The following RORA variants were observed in gnomAD, a reference collection of about 807,000 sequenced individuals.
RORA encodes the protein nuclear receptor ROR-alpha.
In RORA, 7 loss-of-function variants were observed where a neutral mutation model predicts 69.5. That is an observed-to-expected ratio of 0.10 (90% CI 0.06 to 0.19). The LOEUF (loss-of-function observed/expected upper bound fraction) is 0.19. Ranked by LOEUF, RORA falls within the 10% of genes least tolerant of loss-of-function variation. The probability of loss-of-function intolerance (pLI) is 1.00; values close to 1 mark genes in which losing one functional copy is unlikely to be tolerated. For missense variants in RORA, 457 were observed against 663.0 expected, an observed-to-expected ratio of 0.69 and a Z score of 3.41; for synonymous variants, 261 against 240.8, an observed-to-expected ratio of 1.08 and a Z score of -0.78.
At chr15:60,916,256 C>T (rs1282176729) in intron 1 of RORA, among the ~76,000 whole-genome samples, 1 of 152,148 alleles carries the variant, frequency 6.6e-6, no homozygotes, top group Non-Finnish European at 1.5e-5. Flanking sequence ...TTGTGTAATC[C>T]TCCCTGCCTT....
intron 1 of RORA, among the ~76,000 whole-genome samples, chr15:60,954,333 C>G (rs1893202696): frequency 6.8e-6 from 1 of 147,752 alleles, no homozygotes; most frequent in Non-Finnish European, 1.5e-5. Context: ...GGGAGATATA[C>G]CTAATGCTAG....
At chr15:61,070,514 G>C (rs1337595738) in intron 1 of RORA, among the ~76,000 whole-genome samples, 2 of 152,198 alleles carry the variant, frequency 1.3e-5, no homozygotes, top group Non-Finnish European at 2.9e-5. Context: ...AGAAGTTGTA[G>C]GCATCTGATC....
At chr15:61,055,489 C>T (rs1297420281) in intron 1 of RORA, among the ~76,000 whole-genome samples, 7 of 152,142 alleles carry the variant, frequency 4.6e-5, no homozygotes, top group African/African-American at 1.2e-4. Context: ...ACTTCTCTAC[C>T]GTCTCTCCCG....
intron 1 of RORA, among the ~76,000 whole-genome samples, chr15:61,224,539 A>G (rs1230588742): frequency 6.6e-6 from 1 of 152,158 alleles, no homozygotes; most frequent in Non-Finnish European, 1.5e-5. Flanking sequence ...ATGAACCTCT[A>G]ATAACCTCCA....
intron 2 of RORA, among the ~76,000 whole-genome samples, chr15:60,570,790 G>C (rs186457617): frequency 5.3e-5 from 8 of 152,298 alleles, no homozygotes; most frequent in Admixed American, 2.0e-4. Flanking sequence ...ACTAGACTGA[G>C]AGTCAAGAGA....
intron 1 of RORA, among the ~76,000 whole-genome samples, chr15:61,030,659 C>T (rs1271268963): frequency 6.6e-6 from 1 of 151,990 alleles, no homozygotes; most frequent in Non-Finnish European, 1.5e-5. Context: ...ATATTTGGGG[C>T]CCATAACAGG....
chr15:61,111,462 T>G (rs941931712), intron 1 of RORA, among the ~76,000 whole-genome samples: 7 of 152,202 alleles, frequency 4.6e-5, no homozygotes, highest in Non-Finnish European at 1.0e-4. Context: ...AAAATAAACT[T>G]TTACTTTTGT....
At position 60,858,973 on chromosome 15, in the gene RORA, G is replaced by C. The variant is rs61669111; in HGVS notation, c.167-180287C>G. On this transcript the variant is annotated intron_variant, in intron 1 of 10. Transcript: ENST00000335670. Reference sequence around the variant, plus strand: ...ACAGGAATGTTCTGTGCTTTCATAGGCTTCATCTTTTTTTTTTTTTTTCCT... The same window carrying C: ...ACAGGAATGTTCTGTGCTTTCATAGCCTTCATCTTTTTTTTTTTTTTTCCT... Among the ~76,000 whole-genome samples, 335 of 144,340 alleles carry C rather than the reference G, an allele frequency of 2.3e-3. 2 individuals are homozygous for C. The highest frequency in any genetic ancestry group is 8.4e-3 in the African/African-American group (323 of 38,620). 94.7% of individuals were successfully genotyped at this position (144,340 alleles called of 152,430 possible). A position where few individuals can be genotyped will look rare whatever the true frequency, so the allele number is the denominator to read the frequency against.
chr15:60,607,712 G>T (rs867828804), intron 2 of RORA, among the ~76,000 whole-genome samples: 2 of 152,196 alleles, frequency 1.3e-5, no homozygotes, highest in Non-Finnish European at 2.9e-5. Flanking sequence ...ATTTACTGGA[G>T]TGATGAGTGT....
At chr15:60,559,097 A>C (rs910918519) in intron 2 of RORA, among the ~76,000 whole-genome samples, 3 of 152,168 alleles carry the variant, frequency 2.0e-5, no homozygotes, top group Non-Finnish European at 4.4e-5. Flanking sequence ...CAAATAAAGA[A>C]CATTTAATAT....
intron 1 of RORA, among the ~76,000 whole-genome samples, chr15:60,680,198 T>C (rs2070622814): frequency 6.6e-6 from 1 of 152,204 alleles, no homozygotes; most frequent in African/African-American, 2.4e-5. Flanking sequence ...TTATGAGAGA[T>C]ATATGTGTAT....
intron 2 of RORA, among the ~76,000 whole-genome samples, chr15:60,641,217 G>A (rs139261944): frequency 0.011 from 1,663 of 152,260 alleles, 30 homozygotes; most frequent in African/African-American, 0.038. Flanking sequence ...CTCCCAAAGT[G>A]CTGGGATTAC....
intron 1 of RORA, among the ~76,000 whole-genome samples, chr15:60,966,237 T>C (rs1378172030): frequency 2.0e-5 from 3 of 152,222 alleles, no homozygotes; most frequent in Non-Finnish European, 4.4e-5. Flanking sequence ...TTCTTTTCAC[T>C]TAATTACCTC....
intron 1 of RORA, among the ~76,000 whole-genome samples, chr15:61,223,410 A>G (rs939017709): frequency 7.2e-5 from 11 of 152,188 alleles, no homozygotes; most frequent in Non-Finnish European, 1.6e-4. Context: ...ATTCCTATAA[A>G]GTAAAAATCT....
rs575028866 is a variant in RORA at position 60,660,908 on chromosome 15, C to A, written c.196+17749G>T. Among the ~76,000 whole-genome samples, 9 of 152,244 alleles carry A rather than the reference C, an allele frequency of 5.9e-5. No individual in the cohort carries two copies. The South Asian group carries it at 1.9e-3, about 32-fold the overall frequency. ...AAGTGGAGGCTTCCTGCCTGCTGCA[C>A]ATGCCCACAGGAGGAGCAACCATGA... is the stretch of plus-strand genomic sequence containing the variant. On this transcript the variant is annotated intron_variant, in intron 2 of 10. Coordinates refer to ENST00000335670, the MANE Select transcript of RORA (RefSeq NM_134261.3).
At chr15:60,528,708 A>G (rs1291296913) in intron 3 of RORA, 1 of 152,264 alleles carries the variant, frequency 6.6e-6, no homozygotes, top group Non-Finnish European at 1.5e-5. Flanking sequence ...AATGACAATG[A>G]TAACAACAGC....
chr15:60,616,247 A>G (rs2140604120), intron 2 of RORA, among the ~76,000 whole-genome samples: 1 of 152,260 alleles, frequency 6.6e-6, no homozygotes, highest in East Asian at 1.9e-4. Flanking sequence ...ATTTGATAAA[A>G]GTGTTGATCA....
At chr15:61,046,988 G>A (rs889904907) in intron 1 of RORA, among the ~76,000 whole-genome samples, 2 of 152,198 alleles carry the variant, frequency 1.3e-5, no homozygotes, top group Admixed American at 6.5e-5. Context: ...TGGCTGCCTC[G>A]GAGTTCTCAA....
chr15:61,177,293 T>A (rs2079637948), intron 1 of RORA, among the ~76,000 whole-genome samples: 1 of 152,202 alleles, frequency 6.6e-6, no homozygotes, highest in East Asian at 1.9e-4. Flanking sequence ...GAGTGGGGAC[T>A]TGGGTTTCCA....
Sources: allele counts gnomAD v4.1 joint callset (sites outside exome capture counted in the v4.1 genomes callset), GRCh38; gene constraint gnomAD v4.1.1; transcripts MANE v1.5; gene names NCBI Gene and HGNC (gene_info 2026-07-23, HGNC 2026-07-21).